SPAG16: variants seen among roughly 807,000 people sequenced by gnomAD.
SPAG16 encodes the protein sperm associated antigen 16.
Under a neutral mutation model 80.4 loss-of-function variants are expected in SPAG16, and 86 were observed. The observed-to-expected ratio is 1.07, with a 90% confidence interval of 0.90 to 1.28. The LOEUF is 1.28. Ranked by LOEUF, SPAG16 falls within the 50% of genes most tolerant of loss-of-function variation. The pLI is 0.00. For missense variants in SPAG16, 870 were observed against 765.3 expected, an observed-to-expected ratio of 1.14 and a Z score of -1.61; for synonymous variants, 294 against 265.9, an observed-to-expected ratio of 1.11 and a Z score of -1.03.
At chr2:213,919,960 T>C (rs2078135037) in intron 11 of SPAG16, among the ~76,000 whole-genome samples, 1 of 152,222 alleles carries the variant, frequency 6.6e-6, no homozygotes, top group African/African-American at 2.4e-5. Flanking sequence ...GCTTTATGAC[T>C]CTGGTTGCTT....
rs1399799818 is a variant in SPAG16, at chr2:214,115,110, G to A, written c.1593+6849G>A. On this transcript the variant is annotated intron_variant, in intron 14 of 15. Coordinates refer to ENST00000331683, the MANE Select transcript of SPAG16 (RefSeq NM_024532.5). ...TAATATTTTTAAAAAATAATGTCTTGTTATGATGACTGACATTTTTTAAGG... is the reference window on the plus strand; with the variant it reads ...TAATATTTTTAAAAAATAATGTCTTATTATGATGACTGACATTTTTTAAGG... Among the ~76,000 whole-genome samples, 6 of 152,060 alleles carry A rather than the reference G, an allele frequency of 3.9e-5. No individual in the cohort carries two copies. In the East Asian group the frequency reaches 7.7e-4, roughly 20 times the overall value.
intron 15 of SPAG16, chr2:214,239,953 G>T (rs1020629263): frequency 5.9e-5 from 9 of 152,066 alleles, no homozygotes; most frequent in African/African-American, 2.2e-4. Context: ...AAAAATAGTA[G>T]GAAATGTTAC....
chr2:214,067,772 C>T (rs2050600654), intron 13 of SPAG16, among the ~76,000 whole-genome samples: 1 of 152,072 alleles, frequency 6.6e-6, no homozygotes, highest in African/African-American at 2.4e-5. Context: ...TGCTATCAAA[C>T]GTCCTAAGTA....
At chr2:213,462,417 A>G (rs1318520118) in intron 9 of SPAG16, among the ~76,000 whole-genome samples, 1 of 152,218 alleles carries the variant, frequency 6.6e-6, no homozygotes, top group Non-Finnish European at 1.5e-5. Context: ...GTTGGACACA[A>G]AATAAGTTTT....
intron 15 of SPAG16, among the ~76,000 whole-genome samples, chr2:214,208,062 G>T (rs2058194955): frequency 6.6e-6 from 1 of 152,074 alleles, no homozygotes; most frequent in Admixed American, 6.6e-5. Flanking sequence ...GCTTATTGTG[G>T]GACTTTGCCT....
intron 11 of SPAG16, among the ~76,000 whole-genome samples, chr2:213,882,110 C>G (rs754626653): frequency 2.0e-5 from 3 of 151,980 alleles, no homozygotes; most frequent in Admixed American, 6.6e-5. Context: ...TATTTTAATT[C>G]TGTTTATGTG....
chr2:214,373,956 AAC>A (rs1444465209), intron 15 of SPAG16, among the ~76,000 whole-genome samples: 2 of 152,224 alleles, frequency 1.3e-5, no homozygotes, highest in African/African-American at 4.8e-5. Flanking sequence ...GGAGGCAAGT[AAC>A]ACAGACATGG....
intron 13 of SPAG16, among the ~76,000 whole-genome samples, chr2:214,056,891 G>T (rs893071348): frequency 6.6e-6 from 1 of 152,172 alleles, no homozygotes; most frequent in African/African-American, 2.4e-5. Flanking sequence ...TTCCCCAGGA[G>T]TAGATTCCAT....
At chr2:213,891,646 C>T (rs1250367076) in intron 11 of SPAG16, among the ~76,000 whole-genome samples, 1 of 152,118 alleles carries the variant, frequency 6.6e-6, no homozygotes, top group African/African-American at 2.4e-5. Flanking sequence ...CTTCCCCTAA[C>T]AGAAAGCCGA....
At chr2:213,961,662 A>G (rs925929198) in intron 12 of SPAG16, among the ~76,000 whole-genome samples, 5 of 146,998 alleles carry the variant, frequency 3.4e-5, no homozygotes, top group Admixed American at 6.8e-5. Flanking sequence ...ATTATTCTTC[A>G]TTTTCTTAAG....
At chr2:214,214,029 C>A (rs954030212) in intron 15 of SPAG16, among the ~76,000 whole-genome samples, 1 of 152,100 alleles carries the variant, frequency 6.6e-6, no homozygotes, top group Non-Finnish European at 1.5e-5. Context: ...GCTCTCTTCT[C>A]AAACCTACAT....
At chr2:214,323,485 G>GAAAT (rs1696255266) in intron 15 of SPAG16, among the ~76,000 whole-genome samples, 1 of 152,114 alleles carries the variant, frequency 6.6e-6, no homozygotes, top group Admixed American at 6.6e-5. Flanking sequence ...GGTGAGTAGA[G>GAAAT]AAATAAGTAG....
At chr2:213,347,013 C>T (rs1281480632) in intron 6 of SPAG16, among the ~76,000 whole-genome samples, 1 of 152,096 alleles carries the variant, frequency 6.6e-6, no homozygotes, top group Non-Finnish European at 1.5e-5. Flanking sequence ...TCCTTCTGGT[C>T]CTGGACTTTT....
chr2:213,288,972 G>A (rs2126049155), intron 1 of SPAG16, among the ~76,000 whole-genome samples: 1 of 152,288 alleles, frequency 6.6e-6, no homozygotes, highest in African/African-American at 2.4e-5. Flanking sequence ...TAAATCCAGA[G>A]TGTTGATATT....
At chr2:213,406,825 T>C (rs2068629528) in intron 9 of SPAG16, among the ~76,000 whole-genome samples, 1 of 151,592 alleles carries the variant, frequency 6.6e-6, no homozygotes, top group Non-Finnish European at 1.5e-5. Flanking sequence ...CAGGACGGTC[T>C]CTCCTCTCTC....
At chr2:213,772,961 A>G (rs1451229780) in intron 10 of SPAG16, among the ~76,000 whole-genome samples, 1 of 151,754 alleles carries the variant, frequency 6.6e-6, no homozygotes, top group Admixed American at 6.6e-5. Flanking sequence ...AGATGCTTTT[A>G]TATACAATAT....
intron 10 of SPAG16, among the ~76,000 whole-genome samples, chr2:213,704,400 C>A (rs1279561215): frequency 2.6e-5 from 4 of 152,104 alleles, no homozygotes; most frequent in Non-Finnish European, 5.9e-5. Context: ...GGATAAGTAA[C>A]ATATAGCTAA....
chr2:213,500,821 A>C (rs1250559126), intron 10 of SPAG16, among the ~76,000 whole-genome samples: 1 of 152,268 alleles, frequency 6.6e-6, no homozygotes, highest in Admixed American at 6.5e-5. Context: ...AGGAATTAAA[A>C]GGTGCCCGAG....
intron 15 of SPAG16, among the ~76,000 whole-genome samples, chr2:214,403,379 A>G (rs1701822969): frequency 6.7e-6 from 1 of 148,956 alleles, no homozygotes; most frequent in African/African-American, 2.4e-5. Context: ...CTTATTAATT[A>G]TATACATATA....
Sources: gnomAD v4.1 joint callset for allele counts (sites outside exome capture counted in the v4.1 genomes callset) on GRCh38, gnomAD v4.1.1 for gene constraint, MANE v1.5 for transcripts, NCBI Gene and HGNC (gene_info 2026-07-23, HGNC 2026-07-21) for gene names.